Variants in RNLS observed in about 807,000 individuals in gnomAD.
The protein encoded by RNLS is renalase.
RNLS carries 39 observed loss-of-function variants against 39.8 expected under a neutral mutation model. That is an observed-to-expected ratio of 0.98 (90% CI 0.76 to 1.28). RNLS has a LOEUF of 1.28. Among genes scored for constraint, RNLS ranks in the 50% most tolerant of loss-of-function variants. The probability of loss-of-function intolerance (pLI) is 0.00; values close to 1 mark genes in which losing one functional copy is unlikely to be tolerated. For synonymous variants in RNLS, 147 were observed against 150.7 expected (o/e 0.98, Z 0.18); for missense variants, 410 against 413.3 (o/e 0.99, Z 0.07).
intron 4 of RNLS, among the ~76,000 whole-genome samples, chr10:88,433,341 C>T (rs947175093): frequency 2.6e-5 from 4 of 151,984 alleles, no homozygotes; most frequent in African/African-American, 9.7e-5. Context: ...TGTGGTATAA[C>T]CATGAGGGTT....
chr10:88,197,757 A>G, the RNLS span, among the ~76,000 whole-genome samples: 1 of 152,200 alleles, frequency 6.6e-6, no homozygotes, highest in Non-Finnish European at 1.5e-5. Context: ...TGGTGGCCTC[A>G]TTAAAGGACG....
intron 3 of RNLS, among the ~76,000 whole-genome samples, chr10:88,577,536 C>T (rs897308228): frequency 1.2e-4 from 19 of 152,234 alleles, no homozygotes; most frequent in Admixed American, 1.1e-3. Context: ...AAACTACATA[C>T]GTAAAGTACC....
chr10:88,334,120 T>C lies in RNLS; in HGVS notation c.701-19479A>G, dbSNP rs771930144. Among the ~76,000 whole-genome samples, 71 of 152,198 alleles carry C rather than the reference T, an allele frequency of 4.7e-4. 6 individuals are homozygous for C. The highest frequency in any genetic ancestry group is 6.5e-5 in the Admixed American group (1 of 15,276). ...AATTCCTAGTAATAGAACTGCTGAGTCAAAGGGTAAGCATATTTAAAATTA... is the reference window on the plus strand; with the variant it reads ...AATTCCTAGTAATAGAACTGCTGAGCCAAAGGGTAAGCATATTTAAAATTA... On this transcript the variant is annotated intron_variant, in intron 5 of 6. Coordinates refer to ENST00000331772, the MANE Select transcript of RNLS (RefSeq NM_001031709.3).
chr10:88,326,868 A>T (rs1846656354), intron 5 of RNLS, among the ~76,000 whole-genome samples: 1 of 152,204 alleles, frequency 6.6e-6, no homozygotes, highest in Non-Finnish European at 1.5e-5. Context: ...AGACTGTGTG[A>T]GTCCACCTCT....
intron 4 of RNLS, among the ~76,000 whole-genome samples, chr10:88,487,404 A>AT (rs1360339122): frequency 6.6e-6 from 1 of 151,418 alleles, no homozygotes; most frequent in Non-Finnish European, 1.5e-5. Flanking sequence ...CAACTGGTTA[A>AT]AAAAATGCAT....
chr10:88,198,644 G>A, the RNLS span, among the ~76,000 whole-genome samples: 3 of 152,084 alleles, frequency 2.0e-5, no homozygotes, highest in African/African-American at 7.2e-5. Context: ...GAGTTCTCAT[G>A]AGATCTGGTT....
At chr10:88,364,739 A>G (rs948768750) in intron 4 of RNLS, among the ~76,000 whole-genome samples, 20 of 152,100 alleles carry the variant, frequency 1.3e-4, no homozygotes, top group African/African-American at 4.6e-4. Context: ...TGAACGAATG[A>G]TCTGACATTG....
intron 4 of RNLS, among the ~76,000 whole-genome samples, chr10:88,544,323 GT>G (rs1208819409): frequency 6.6e-6 from 1 of 152,142 alleles, no homozygotes; most frequent in East Asian, 1.9e-4. Flanking sequence ...CATCTGCATA[GT>G]TTTTCCCTAT....
chr10:88,496,586 A>T (rs1845188645), intron 4 of RNLS, among the ~76,000 whole-genome samples: 1 of 152,058 alleles, frequency 6.6e-6, no homozygotes, highest in Non-Finnish European at 1.5e-5. Flanking sequence ...ATGCACAAAA[A>T]TCTGCACACA....
At chr10:88,182,726 G>A in the RNLS span, among the ~76,000 whole-genome samples, 1 of 151,966 alleles carries the variant, frequency 6.6e-6, no homozygotes, top group Non-Finnish European at 1.5e-5. Flanking sequence ...TTCTTGTGAT[G>A]TAGAACAGCT....
the RNLS span, among the ~76,000 whole-genome samples, chr10:88,186,805 C>T: frequency 6.6e-6 from 1 of 152,042 alleles, no homozygotes; most frequent in African/African-American, 2.4e-5. Context: ...AATATTCCCA[C>T]ACCCACTTTT....
intron 5 of RNLS, among the ~76,000 whole-genome samples, chr10:88,356,892 T>C (rs1849235442): frequency 6.6e-6 from 1 of 152,060 alleles, no homozygotes; most frequent in South Asian, 2.1e-4. Flanking sequence ...TTGCTGCCTA[T>C]TGGCTATTTT....
chr10:88,286,608 A>T (rs1043723404), intron 6 of RNLS, among the ~76,000 whole-genome samples: 1 of 152,034 alleles, frequency 6.6e-6, no homozygotes, highest in African/African-American at 2.4e-5. Flanking sequence ...ATTCACCTGG[A>T]TGACAATATG....
intron 4 of RNLS, among the ~76,000 whole-genome samples, chr10:88,413,585 G>C (rs1220435455): frequency 6.6e-6 from 1 of 152,200 alleles, no homozygotes; most frequent in African/African-American, 2.4e-5. Flanking sequence ...AATGCTCGCT[G>C]TTCTATTTGT....
chr10:88,371,730 G>A (rs1041963827), intron 4 of RNLS, among the ~76,000 whole-genome samples: 1 of 152,098 alleles, frequency 6.6e-6, no homozygotes, highest in African/African-American at 2.4e-5. Flanking sequence ...TTATTTTCTG[G>A]TAAACATTTA....
intron 4 of RNLS, among the ~76,000 whole-genome samples, chr10:88,414,430 G>A (rs529220150): frequency 1.3e-5 from 2 of 152,136 alleles, no homozygotes; most frequent in Non-Finnish European, 2.9e-5. Context: ...GTATTTCTAT[G>A]TGTGTGTATA....
chr10:88,490,654 C>A (rs1329620239), intron 4 of RNLS, among the ~76,000 whole-genome samples: 1 of 152,172 alleles, frequency 6.6e-6, no homozygotes, highest in Non-Finnish European at 1.5e-5. Flanking sequence ...TGCATTCATT[C>A]ATTTTCATGT....
chr10:88,369,564 C>G (rs1850379967), intron 4 of RNLS, among the ~76,000 whole-genome samples: 1 of 152,156 alleles, frequency 6.6e-6, no homozygotes, highest in African/African-American at 2.4e-5. Context: ...CCTTTTCTTC[C>G]CTCACCCATT....
intron 4 of RNLS, among the ~76,000 whole-genome samples, chr10:88,502,721 T>C (rs1382071436): frequency 6.6e-6 from 1 of 152,088 alleles, no homozygotes; most frequent in Admixed American, 6.6e-5. Context: ...TATAATAAAG[T>C]TTTGGAATCC....
Sources: gnomAD v4.1 joint callset for allele counts (sites outside exome capture counted in the v4.1 genomes callset) on GRCh38, gnomAD v4.1.1 for gene constraint, MANE v1.5 for transcripts, NCBI Gene and HGNC (gene_info 2026-07-23, HGNC 2026-07-21) for gene names.